Variants in LARGE1 observed in about 807,000 individuals in gnomAD.
LARGE1 encodes the protein LARGE xylosyl- and glucuronyltransferase 1, also known as xylosyl- and glucuronyltransferase LARGE1.
A neutral mutation model predicts 87.6 loss-of-function variants in LARGE1; 43 were observed. That is an observed-to-expected ratio of 0.49 (90% CI 0.38 to 0.63). The LOEUF is 0.63. Ranked by LOEUF, LARGE1 falls within the 30% of genes least tolerant of loss-of-function variation. LARGE1 has a pLI of 0.00. For missense variants in LARGE1, 802 were observed against 1,000.2 expected (o/e 0.80, Z 2.67); for synonymous variants, 434 against 394.6 (o/e 1.10, Z -1.18).
intron 2 of LARGE1, among the ~76,000 whole-genome samples, chr22:33,690,517 G>A (rs548031573): frequency 2.0e-5 from 3 of 152,164 alleles, no homozygotes; most frequent in African/African-American, 7.2e-5. Flanking sequence ...AACAGGAGGT[G>A]GAATTCAAAC....
chr22:33,381,520 T>G (rs575057892), intron 9 of LARGE1, among the ~76,000 whole-genome samples: 1 of 152,230 alleles, frequency 6.6e-6, no homozygotes, highest in Non-Finnish European at 1.5e-5. Context: ...CACATTTCTC[T>G]CCTCCTCCAA....
At chr22:33,247,774 C>G (rs1926832368) in intron 11 of LARGE1, among the ~76,000 whole-genome samples, 1 of 152,070 alleles carries the variant, frequency 6.6e-6, no homozygotes, top group South Asian at 2.1e-4. Flanking sequence ...ATTGTGGAGC[C>G]CGGACATATA....
At chr22:33,652,483 C>T (rs528650666) in intron 2 of LARGE1, among the ~76,000 whole-genome samples, 3 of 152,062 alleles carry the variant, frequency 2.0e-5, no homozygotes, top group Non-Finnish European at 2.9e-5. Context: ...CAAGGCATAC[C>T]CAAAGCTATC....
the LARGE1 span, among the ~76,000 whole-genome samples, chr22:33,153,467 T>G: frequency 1.5e-4 from 23 of 152,254 alleles, no homozygotes; most frequent in African/African-American, 5.5e-4. Context: ...AGTTTATATT[T>G]GTTTGGACAG....
At chr22:33,117,440 T>C in the LARGE1 span, among the ~76,000 whole-genome samples, 34 of 151,798 alleles carry the variant, frequency 2.2e-4, no homozygotes, top group African/African-American at 8.2e-4. Flanking sequence ...ATTAACTTTT[T>C]TTTTTTTTTT....
At chr22:33,766,672 G>GCCCA in intron 1 of LARGE1, among the ~76,000 whole-genome samples, 1 of 151,788 alleles carries the variant, frequency 6.6e-6, no homozygotes, top group African/African-American at 2.4e-5. Context: ...TGATCCACCT[G>GCCCA]CCTCGGCCTC....
At chr22:33,503,242 C>CTTTT (rs60105421) in intron 6 of LARGE1, among the ~76,000 whole-genome samples, 23 of 142,852 alleles carry the variant, frequency 1.6e-4, no homozygotes, top group African/African-American at 4.2e-4. Flanking sequence ...AGGAGTTCCC[C>CTTTT]TTTTTTTTTT....
At position 33,650,247 on chromosome 22, in the gene LARGE1, G is replaced by A. The variant is rs982799512; in HGVS notation, c.408+120C>T. ...GCGAGCAAGCCAGACTTACACACCC[G>A]GGCTAGAATCAAGAATGCCAGCTCT... On this transcript the variant is annotated intron_variant, in intron 3 of 14. Coordinates refer to ENST00000397394, the MANE Select transcript of LARGE1 (RefSeq NM_133642.5). 1.8e-5 allele frequency: 23 copies of A among 1,261,442 alleles called. No homozygotes were observed. In the African/African-American group the frequency reaches 2.5e-4, roughly 14 times the overall value. 78.1% of individuals were successfully genotyped at this position (1,261,442 alleles called of 1,614,324 possible). A position where few individuals can be genotyped will look rare whatever the true frequency, so the allele number is the denominator to read the frequency against.
intron 6 of LARGE1, among the ~76,000 whole-genome samples, chr22:33,508,256 G>A (rs1410997140): frequency 6.6e-6 from 1 of 152,152 alleles, no homozygotes; most frequent in Non-Finnish European, 1.5e-5. Flanking sequence ...CTACTGGTGG[G>A]TGTCACCCTG....
chr22:33,694,815 A>G (rs944924258), intron 2 of LARGE1, among the ~76,000 whole-genome samples: 1 of 152,180 alleles, frequency 6.6e-6, no homozygotes, highest in Non-Finnish European at 1.5e-5. Context: ...ACCTTATCTA[A>G]AAGATGACTA....
At chr22:33,378,584 A>G (rs2065059639) in intron 9 of LARGE1, among the ~76,000 whole-genome samples, 1 of 152,190 alleles carries the variant, frequency 6.6e-6, no homozygotes, top group African/African-American at 2.4e-5. Flanking sequence ...AATAAATTAT[A>G]CAGTTACCTA....
chr22:33,889,387 G>C (rs2064946067), intron 1 of LARGE1, among the ~76,000 whole-genome samples: 1 of 152,242 alleles, frequency 6.6e-6, no homozygotes. Context: ...TTCAATGAGA[G>C]AAAAGAAAGT....
At chr22:33,343,333 T>C (rs1340163822) in intron 9 of LARGE1, among the ~76,000 whole-genome samples, 2 of 152,172 alleles carry the variant, frequency 1.3e-5, no homozygotes, top group African/African-American at 4.8e-5. Context: ...TTGTCCAGGC[T>C]GGTCTCAAAC....
At chr22:33,571,874 C>T (rs1379302169) in intron 5 of LARGE1, among the ~76,000 whole-genome samples, 2 of 152,140 alleles carry the variant, frequency 1.3e-5, no homozygotes, top group Admixed American at 6.5e-5. Context: ...GTGCTCTTCA[C>T]TCTTCTGATT....
At chr22:33,672,219 T>A (rs928365182) in intron 2 of LARGE1, among the ~76,000 whole-genome samples, 4 of 152,222 alleles carry the variant, frequency 2.6e-5, no homozygotes, top group African/African-American at 7.2e-5. Context: ...TCTCACGCTC[T>A]TTCTTATACT....
intron 1 of LARGE1, among the ~76,000 whole-genome samples, chr22:33,888,787 GCA>G (rs530810583): frequency 5.9e-5 from 9 of 151,990 alleles, no homozygotes; most frequent in Non-Finnish European, 1.2e-4. Flanking sequence ...AACCCAGGAG[GCA>G]GAGGTTGCAG....
At chr22:33,473,886 C>A (rs919906323) in intron 6 of LARGE1, among the ~76,000 whole-genome samples, 1 of 152,184 alleles carries the variant, frequency 6.6e-6, no homozygotes, top group Non-Finnish European at 1.5e-5. Flanking sequence ...TATGAGTATG[C>A]GACTTTCCAG....
chr22:33,283,859 A>C (rs1930983254), intron 12 of LARGE1, among the ~76,000 whole-genome samples: 4 of 151,984 alleles, frequency 2.6e-5, no homozygotes, highest in Admixed American at 2.6e-4. Flanking sequence ...AGAAAAAGTA[A>C]AGAAAGAAAA....
chr22:33,515,566 C>T (rs1602208131), intron 6 of LARGE1, among the ~76,000 whole-genome samples: 1 of 152,154 alleles, frequency 6.6e-6, no homozygotes, highest in African/African-American at 2.4e-5. Context: ...TCCCAGAACA[C>T]TGGAGCTAAA....
Sources: gnomAD v4.1 joint callset for allele counts (sites outside exome capture counted in the v4.1 genomes callset) on GRCh38, gnomAD v4.1.1 for gene constraint, MANE v1.5 for transcripts, NCBI Gene and HGNC (gene_info 2026-07-23, HGNC 2026-07-21) for gene names.